The following NEGR1 variants were observed in gnomAD, a reference collection of about 807,000 sequenced individuals.
The protein encoded by NEGR1 is IgLON family member 4.
Under a neutral mutation model 40.9 loss-of-function variants are expected in NEGR1, and 10 were observed. The ratio of observed to expected loss-of-function variants is 0.24; its 90% confidence interval spans 0.15 to 0.42. The LOEUF is 0.42. Among genes scored for constraint, NEGR1 ranks in the 10% least tolerant of loss-of-function variants. The pLI is 1.00. For synonymous variants in NEGR1, 185 were observed against 166.8 expected, an observed-to-expected ratio of 1.11 and a Z score of -0.84; for missense variants, 352 against 438.9, an observed-to-expected ratio of 0.80 and a Z score of 1.77.
intron 2 of NEGR1, among the ~76,000 whole-genome samples, chr1:71,783,375 T>C (rs570526277): frequency 5.6e-4 from 85 of 152,220 alleles, no homozygotes; most frequent in African/African-American, 2.0e-3. Context: ...AAGAAATTGT[T>C]TCATGCTTTT....
At chr1:71,555,480 C>T (rs1648225740) in intron 6 of NEGR1, among the ~76,000 whole-genome samples, 1 of 151,512 alleles carries the variant, frequency 6.6e-6, no homozygotes, top group African/African-American at 2.4e-5. Flanking sequence ...AATACTTGCA[C>T]AGGATATATA....
intron 4 of NEGR1, among the ~76,000 whole-genome samples, chr1:71,641,450 A>T (rs1310370950): frequency 2.0e-5 from 3 of 152,078 alleles, no homozygotes; most frequent in Non-Finnish European, 4.4e-5. Context: ...ATGAAAAAGC[A>T]TGATGGTGAC....
At chr1:71,562,865 T>C (rs1648504002) in intron 6 of NEGR1, among the ~76,000 whole-genome samples, 1 of 151,984 alleles carries the variant, frequency 6.6e-6, no homozygotes, top group Non-Finnish European at 1.5e-5. Context: ...AGGACCAGAT[T>C]CATATCACTT....
chr1:72,242,429 C>T (rs1387510396), intron 1 of NEGR1, among the ~76,000 whole-genome samples: 1 of 151,430 alleles, frequency 6.6e-6, no homozygotes, highest in Non-Finnish European at 1.5e-5. Context: ...ACCATATCTA[C>T]CCTGTTCACT....
At chr1:71,998,411 A>G (rs968614260) in intron 1 of NEGR1, among the ~76,000 whole-genome samples, 3 of 151,946 alleles carry the variant, frequency 2.0e-5, no homozygotes, top group Non-Finnish European at 4.4e-5. Context: ...AATAAATTCC[A>G]CAATCGCTGG....
chr1:71,422,765 G>A (rs999420159), intron 6 of NEGR1: 13 of 152,210 alleles, frequency 8.5e-5, no homozygotes, highest in Non-Finnish European at 1.6e-4. Context: ...AAAGGATATT[G>A]AAACTTGAAG....
intron 1 of NEGR1, among the ~76,000 whole-genome samples, chr1:72,068,055 A>G (rs1429146411): frequency 6.6e-6 from 1 of 152,174 alleles, no homozygotes; most frequent in Non-Finnish European, 1.5e-5. Context: ...TTCACAAAAT[A>G]AAATTAGAGG....
chr1:71,772,665 T>G (rs560106384), intron 3 of NEGR1, among the ~76,000 whole-genome samples: 1 of 152,316 alleles, frequency 6.6e-6, no homozygotes, highest in East Asian at 1.9e-4. Context: ...TAAAAATTAC[T>G]GTGGTTATGT....
chr1:72,180,455 A>T (rs1324602734), intron 1 of NEGR1, among the ~76,000 whole-genome samples: 1 of 152,028 alleles, frequency 6.6e-6, no homozygotes, highest in Non-Finnish European at 1.5e-5. Flanking sequence ...CAAAAGCAAA[A>T]ATAAATAAAT....
At chr1:71,851,233 A>AC (rs1186440708) in intron 2 of NEGR1, among the ~76,000 whole-genome samples, 1 of 152,130 alleles carries the variant, frequency 6.6e-6, no homozygotes, top group Non-Finnish European at 1.5e-5. Context: ...TGTTGATATT[A>AC]CCGCCCACAC....
intron 5 of NEGR1, among the ~76,000 whole-genome samples, chr1:71,608,858 A>G (rs541557750): frequency 1.5e-3 from 228 of 152,282 alleles, no homozygotes; most frequent in Middle Eastern, 3.4e-3. Flanking sequence ...TGGGCTTCCA[A>G]ATAAGATTGT....
At chr1:71,628,120 C>T (rs1486356882) in intron 4 of NEGR1, among the ~76,000 whole-genome samples, 1 of 152,022 alleles carries the variant, frequency 6.6e-6, no homozygotes, top group African/African-American at 2.4e-5. Context: ...ATGTCATCTA[C>T]TCACTCTACT....
chr1:71,614,920 A>T (rs1046832449), intron 4 of NEGR1, among the ~76,000 whole-genome samples: 1 of 152,206 alleles, frequency 6.6e-6, no homozygotes, highest in Non-Finnish European at 1.5e-5. Context: ...GTGGGCTGCT[A>T]TGATGGACAC....
At chr1:71,679,318 C>A (rs1452563460) in intron 4 of NEGR1, among the ~76,000 whole-genome samples, 4 of 152,072 alleles carry the variant, frequency 2.6e-5, no homozygotes, top group Admixed American at 2.0e-4. Context: ...ATTCACAGAT[C>A]AATTTGAGGA....
chr1:71,678,578 C>T (rs1041342141), intron 4 of NEGR1, among the ~76,000 whole-genome samples: 11 of 152,102 alleles, frequency 7.2e-5, no homozygotes, highest in Middle Eastern at 3.2e-3. Flanking sequence ...TAAATGGCTA[C>T]ACCAAAGTAT....
chr1:71,615,910 G>C (rs543914863), intron 4 of NEGR1, among the ~76,000 whole-genome samples: 1 of 152,192 alleles, frequency 6.6e-6, no homozygotes, highest in African/African-American at 2.4e-5. Flanking sequence ...CATAGAAAAG[G>C]CAGAAGCTGA....
intron 1 of NEGR1, among the ~76,000 whole-genome samples, chr1:71,963,711 A>G (rs1646187452): frequency 6.6e-6 from 1 of 152,178 alleles, no homozygotes; most frequent in Admixed American, 6.6e-5. Flanking sequence ...AATGTCTATG[A>G]TTGGGTCTGG....
intron 2 of NEGR1, among the ~76,000 whole-genome samples, chr1:71,795,898 A>T (rs1427881186): frequency 1.3e-5 from 2 of 152,182 alleles, no homozygotes; most frequent in Non-Finnish European, 2.9e-5. Context: ...TATACTGTGA[A>T]ATACAGAGCT....
intron 2 of NEGR1, among the ~76,000 whole-genome samples, chr1:71,932,019 A>G (rs1387488517): frequency 3.3e-5 from 5 of 152,234 alleles, no homozygotes; most frequent in African/African-American, 1.2e-4. Flanking sequence ...TAAGTCTATT[A>G]GTCAGTTTCA....
Sources: gnomAD v4.1 joint callset for allele counts (sites outside exome capture counted in the v4.1 genomes callset) on GRCh38, gnomAD v4.1.1 for gene constraint, MANE v1.5 for transcripts, NCBI Gene and HGNC (gene_info 2026-07-23, HGNC 2026-07-21) for gene names.